CNTNAP4: variants seen among roughly 807,000 people sequenced by gnomAD.
CNTNAP4 encodes the protein contactin-associated protein-like 4.
CNTNAP4 carries 98 observed loss-of-function variants against 148.4 expected under a neutral mutation model. That is an observed-to-expected ratio of 0.66 (90% CI 0.56 to 0.78). The LOEUF (loss-of-function observed/expected upper bound fraction) is 0.78. CNTNAP4 is among the 30% of genes least tolerant of loss of function. The probability of loss-of-function intolerance (pLI) is 0.00; values close to 1 mark genes in which losing one functional copy is unlikely to be tolerated. For synonymous variants in CNTNAP4, 730 were observed against 565.1 expected (o/e 1.29, Z -4.14); for missense variants, 1,935 against 1,565.6 (o/e 1.24, Z -3.98).
chr16:76,369,684 A>G lies in CNTNAP4; in HGVS notation c.390+14173A>G, dbSNP rs1046822148. On this transcript the variant is annotated intron_variant, in intron 3 of 23. Coordinates refer to ENST00000611870, the MANE Select transcript of CNTNAP4 (RefSeq NM_033401.5). Reference sequence around the variant, plus strand: ...TAGTGAAACTCCATCTCTACAGAAAACACAAAAATTAACCAGGTGGGGTGG... The same window carrying G: ...TAGTGAAACTCCATCTCTACAGAAAGCACAAAAATTAACCAGGTGGGGTGG... Among the ~76,000 whole-genome samples the G allele has an allele frequency of 2.6e-5, 4 of 152,256 alleles. No individual in the cohort carries two copies. In the East Asian group the frequency reaches 7.7e-4, roughly 29 times the overall value.
At chr16:76,366,076 G>A (rs1246512114) in intron 3 of CNTNAP4, among the ~76,000 whole-genome samples, 2 of 151,862 alleles carry the variant, frequency 1.3e-5, no homozygotes, top group African/African-American at 2.4e-5. Flanking sequence ...TTGACTTTAA[G>A]TTTTTTTATC....
At position 76,560,195 on chromosome 16, in the gene CNTNAP4, T is replaced by C. The variant is rs2085361789; in HGVS notation, c.*1512T>C. On this transcript the variant is annotated 3_prime_UTR_variant, in exon 24 of 24. Transcript: ENST00000611870. ...CCTTCAAGTGCCTCCCAAGTAACTATTGGATTTCTTAGTTTGTCTACACCA... is the reference window on the plus strand; with the variant it reads ...CCTTCAAGTGCCTCCCAAGTAACTACTGGATTTCTTAGTTTGTCTACACCA... 1.3e-5 allele frequency among the ~76,000 whole-genome samples: 2 copies of C among 152,176 alleles called. No homozygotes were observed. Among genetic ancestry groups the C allele is most frequent in the African/African-American group, 4.8e-5 (2 of 41,440 alleles).
intron 1 of CNTNAP4, among the ~76,000 whole-genome samples, chr16:76,298,307 G>C (rs1019495222): frequency 1.3e-5 from 2 of 152,124 alleles, no homozygotes; most frequent in Non-Finnish European, 2.9e-5. Context: ...TAACAGTCAA[G>C]TTTAACTAAA....
intron 1 of CNTNAP4, among the ~76,000 whole-genome samples, chr16:76,286,456 T>C (rs1958889302): frequency 6.6e-6 from 1 of 152,072 alleles, no homozygotes. Context: ...AGAGAAGTGA[T>C]ATTACCCTTT....
At chr16:76,446,497 T>G (rs2143123762) in intron 4 of CNTNAP4, among the ~76,000 whole-genome samples, 1 of 152,298 alleles carries the variant, frequency 6.6e-6, no homozygotes, top group Non-Finnish European at 1.5e-5. Flanking sequence ...ACAGATGTAT[T>G]GTTAGGTTAC....
chr16:76,353,863 C>T (rs1436578160), intron 2 of CNTNAP4, among the ~76,000 whole-genome samples: 2 of 152,194 alleles, frequency 1.3e-5, no homozygotes, highest in African/African-American at 2.4e-5. Flanking sequence ...CTTGTCAACA[C>T]TGGTGTGTGC....
intron 2 of CNTNAP4, among the ~76,000 whole-genome samples, chr16:76,349,263 G>T (rs546422686): frequency 1.4e-4 from 22 of 152,192 alleles, no homozygotes; most frequent in Middle Eastern, 6.8e-3. Flanking sequence ...AAAAGAGTCT[G>T]TTCTCCAAAT....
intron 12 of CNTNAP4, among the ~76,000 whole-genome samples, chr16:76,485,244 A>T (rs983586437): frequency 3.3e-5 from 5 of 152,060 alleles, no homozygotes; most frequent in African/African-American, 1.2e-4. Flanking sequence ...CAGCCTCCCG[A>T]GTAGCTGGGA....
intron 3 of CNTNAP4, among the ~76,000 whole-genome samples, chr16:76,367,218 A>C (rs574600982): frequency 1.3e-5 from 2 of 152,102 alleles, no homozygotes; most frequent in East Asian, 1.9e-4. Context: ...GTCAATATGG[A>C]AATCATAGCC....
chr16:76,441,338 C>G (rs1172951522), intron 4 of CNTNAP4, among the ~76,000 whole-genome samples: 1 of 152,178 alleles, frequency 6.6e-6, no homozygotes, highest in Non-Finnish European at 1.5e-5. Flanking sequence ...CTACATCTGA[C>G]ACAACTCCCT....
chr16:76,425,205 A>G (rs2079341098), intron 3 of CNTNAP4, among the ~76,000 whole-genome samples: 1 of 152,184 alleles, frequency 6.6e-6, no homozygotes, highest in African/African-American at 2.4e-5. Flanking sequence ...AGCAGCAACA[A>G]TAGCAAAAAC....
chr16:76,340,981 G>A (rs1287361954), intron 2 of CNTNAP4, among the ~76,000 whole-genome samples: 2 of 152,108 alleles, frequency 1.3e-5, no homozygotes, highest in African/African-American at 4.8e-5. Context: ...TCTTTCAACA[G>A]TCAGTCCAAT....
intron 7 of CNTNAP4, among the ~76,000 whole-genome samples, chr16:76,451,735 G>C (rs2080489381): frequency 6.6e-6 from 1 of 151,606 alleles, no homozygotes; most frequent in Admixed American, 6.6e-5. Flanking sequence ...CTATCCAAAT[G>C]ATGCATAAGA....
In CNTNAP4 at chr16:76,410,271, A is replaced by AT. The variant is rs539520455; in HGVS notation, c.391-17175dup. ...AATGTTGTCTACAAAGATTGAGAAG[A>AT]TTTTTTGTGAACATGAAATAAATGA... On this transcript the variant is annotated intron_variant, in intron 3 of 23. Transcript: ENST00000611870. Among the ~76,000 whole-genome samples, 110 of 151,894 alleles carry AT rather than the reference A, an allele frequency of 7.2e-4. No individual in the cohort carries two copies. The Middle Eastern group carries it at 0.01, about 14-fold the overall frequency.
chr16:76,306,715 A>G (rs939022168), intron 1 of CNTNAP4, among the ~76,000 whole-genome samples: 13 of 152,216 alleles, frequency 8.5e-5, no homozygotes, highest in Admixed American at 7.2e-4. Context: ...AAAGACAGGC[A>G]TATGAAAAAT....
At chr16:76,462,382 C>T (rs1260761858) in intron 9 of CNTNAP4, among the ~76,000 whole-genome samples, 1 of 152,114 alleles carries the variant, frequency 6.6e-6, no homozygotes, top group African/African-American at 2.4e-5. Flanking sequence ...GCTATATTTT[C>T]CTAATGTTAA....
At chr16:76,281,941 A>C (rs935813299) in intron 1 of CNTNAP4, among the ~76,000 whole-genome samples, 1 of 151,944 alleles carries the variant, frequency 6.6e-6, no homozygotes, top group Non-Finnish European at 1.5e-5. Flanking sequence ...AATTTTATCA[A>C]TTAAATTTTA....
At chr16:76,495,235 T>A in intron 14 of CNTNAP4, 169 bp downstream of exon 14, 1 of 584,300 alleles carries the variant, frequency 1.7e-6, no homozygotes, top group Non-Finnish European at 2.8e-6. Context: ...TAGTATTAAG[T>A]CAATGCCTTT....
intron 4 of CNTNAP4, among the ~76,000 whole-genome samples, chr16:76,438,731 C>A (rs752548133): frequency 2.1e-4 from 32 of 152,076 alleles, no homozygotes; most frequent in Non-Finnish European, 3.1e-4. Flanking sequence ...TACCCACACT[C>A]TCCCTTTTCC....
Sources: allele counts gnomAD v4.1 joint callset (sites outside exome capture counted in the v4.1 genomes callset), GRCh38; gene constraint gnomAD v4.1.1; transcripts MANE v1.5; gene names NCBI Gene and HGNC (gene_info 2026-07-23, HGNC 2026-07-21).